The following MARCHF8 variants were observed in gnomAD, a reference collection of about 807,000 sequenced individuals.
MARCHF8 encodes the protein E3 ubiquitin-protein ligase MARCHF8.
MARCHF8 carries 40 observed loss-of-function variants against 51.6 expected under a neutral mutation model. The observed-to-expected ratio is 0.77, with a 90% confidence interval of 0.60 to 1.01. MARCHF8 has a LOEUF of 1.01. Among genes scored for constraint, MARCHF8 ranks in the 50% least tolerant of loss-of-function variants. The pLI is 0.00. For missense variants in MARCHF8, 685 were observed against 708.6 expected, an observed-to-expected ratio of 0.97 and a Z score of 0.38; for synonymous variants, 263 against 280.3, an observed-to-expected ratio of 0.94 and a Z score of 0.62.
At chr10:45,490,288 G>T (rs905425255) in intron 2 of MARCHF8, among the ~76,000 whole-genome samples, 1 of 152,202 alleles carries the variant, frequency 6.6e-6, no homozygotes, top group Non-Finnish European at 1.5e-5. Flanking sequence ...GGACTTTAAA[G>T]ATGTAATTAA....
At chr10:45,512,535 C>G (rs1301306218) in intron 2 of MARCHF8, among the ~76,000 whole-genome samples, 4 of 149,982 alleles carry the variant, frequency 2.7e-5, no homozygotes, top group Admixed American at 2.0e-4. Flanking sequence ...CGCCTCTGCC[C>G]GGCCGCTCCT....
At chr10:45,459,590 T>A (rs1207675731) in intron 6 of MARCHF8, 1 of 425,326 alleles carries the variant, frequency 2.4e-6, no homozygotes, top group Admixed American at 6.4e-5. Context: ...ATGAAAACAG[T>A]ATGTTGGCCC....
At chr10:45,465,530 C>A (rs569842928) in intron 3 of MARCHF8, among the ~76,000 whole-genome samples, 3 of 152,336 alleles carry the variant, frequency 2.0e-5, no homozygotes, top group Non-Finnish European at 4.4e-5. Flanking sequence ...CCTTGGTCAA[C>A]CACCAGAACA....
intron 2 of MARCHF8, among the ~76,000 whole-genome samples, chr10:45,530,929 G>A (rs1366067942): frequency 6.6e-6 from 1 of 152,070 alleles, no homozygotes; most frequent in African/African-American, 2.4e-5. Flanking sequence ...AAGTTGCATA[G>A]AGACATGGAA....
chr10:45,582,987 T>TC (rs1160962422), intron 1 of MARCHF8, among the ~76,000 whole-genome samples: 1 of 152,232 alleles, frequency 6.6e-6, no homozygotes, highest in Admixed American at 6.5e-5. Context: ...GTTTAAGATG[T>TC]CCAAATCCTC....
intron 1 of MARCHF8, among the ~76,000 whole-genome samples, chr10:45,581,233 C>T (rs527487250): frequency 6.6e-6 from 1 of 152,096 alleles, no homozygotes; most frequent in Non-Finnish European, 1.5e-5. Context: ...AGGGATGCTA[C>T]TGAACATCCT....
chr10:45,593,172 C>G (rs2044700518), intron 1 of MARCHF8, among the ~76,000 whole-genome samples: 1 of 148,304 alleles, frequency 6.7e-6, no homozygotes, highest in Admixed American at 6.6e-5. Context: ...CATTCCACTT[C>G]CAATTCTTGC....
chr10:45,565,933 C>T (rs1167208649), intron 1 of MARCHF8, among the ~76,000 whole-genome samples: 1 of 152,156 alleles, frequency 6.6e-6, no homozygotes, highest in Non-Finnish European at 1.5e-5. Context: ...AAACCCATGG[C>T]CAACAGCACT....
intron 1 of MARCHF8, among the ~76,000 whole-genome samples, chr10:45,551,142 C>A (rs2044189595): frequency 6.6e-6 from 1 of 152,158 alleles, no homozygotes; most frequent in South Asian, 2.1e-4. Context: ...ACTTCCTCTC[C>A]TAGATATACA....
chr10:45,545,969 G>A (rs1180932075), intron 1 of MARCHF8, among the ~76,000 whole-genome samples: 3 of 152,040 alleles, frequency 2.0e-5, no homozygotes, highest in Admixed American at 6.6e-5. Context: ...AATTAAACTT[G>A]AAAGCTCTGA....
upstream of MARCHF8, among the ~76,000 whole-genome samples, chr10:45,537,792 A>G (rs2043994726): frequency 6.6e-6 from 1 of 152,178 alleles, no homozygotes; most frequent in African/African-American, 2.4e-5. Flanking sequence ...GCATGCCAAG[A>G]GCTGGGGTAG....
intron 1 of MARCHF8, among the ~76,000 whole-genome samples, chr10:45,561,230 A>T (rs956393021): frequency 1.3e-5 from 2 of 152,006 alleles, no homozygotes; most frequent in South Asian, 2.1e-4. Context: ...CAAACATCAG[A>T]TACTGCCTTC....
intron 2 of MARCHF8, among the ~76,000 whole-genome samples, chr10:45,503,320 G>A (rs960039136): frequency 6.6e-6 from 1 of 151,918 alleles, no homozygotes; most frequent in African/African-American, 2.4e-5. Context: ...GGCAGATCAC[G>A]AGGTCAAGGG....
intron 2 of MARCHF8, among the ~76,000 whole-genome samples, chr10:45,507,346 G>A (rs969139506): frequency 7.9e-5 from 12 of 152,174 alleles, no homozygotes; most frequent in Admixed American, 6.5e-4. Context: ...ACCTGAGGCT[G>A]GGTAATTTAT....
intron 7 of MARCHF8, 25 bp from the exon 8 acceptor site, chr10:45,458,568 T>C (rs1045000684): frequency 6.5e-7 from 1 of 1,547,356 alleles, no homozygotes; most frequent in Non-Finnish European, 8.7e-7. Context: ...CTCAGCCTAT[T>C]AGATTTTATT....
intron 1 of MARCHF8, among the ~76,000 whole-genome samples, chr10:45,551,530 C>A (rs959265057): frequency 2.0e-5 from 3 of 152,126 alleles, no homozygotes; most frequent in African/African-American, 4.8e-5. Context: ...TGTCACCACA[C>A]CCAGCTTCTA....
intron 2 of MARCHF8, among the ~76,000 whole-genome samples, chr10:45,519,401 G>GA: frequency 6.6e-6 from 1 of 151,608 alleles, no homozygotes; most frequent in East Asian, 1.9e-4. Context: ...GAGACATAAG[G>GA]GAAGGTTTGG....
intron 3 of MARCHF8, among the ~76,000 whole-genome samples, chr10:45,465,703 GA>G (rs2132947650): frequency 6.6e-6 from 1 of 152,322 alleles, no homozygotes; most frequent in Non-Finnish European, 1.5e-5. Context: ...TCCACCTGAA[GA>G]AACAAGATCC....
At chr10:45,495,073 T>A (rs929551338) in intron 2 of MARCHF8, among the ~76,000 whole-genome samples, 5 of 150,164 alleles carry the variant, frequency 3.3e-5, no homozygotes, top group Non-Finnish European at 7.4e-5. Flanking sequence ...TGAGCCGAGA[T>A]CGCGCGACTG....
Sources: allele counts gnomAD v4.1 joint callset (sites outside exome capture counted in the v4.1 genomes callset), GRCh38; gene constraint gnomAD v4.1.1; transcripts MANE v1.5; gene names NCBI Gene and HGNC (gene_info 2026-07-23, HGNC 2026-07-21).